The following PPFIA1 variants were observed in gnomAD, a reference collection of about 807,000 sequenced individuals.
The protein encoded by PPFIA1 is PPFI scaffold protein A1.
A neutral mutation model predicts 149.9 loss-of-function variants in PPFIA1; 25 were observed. The observed-to-expected ratio is 0.17, with a 90% CI of 0.12 to 0.23. The LOEUF (loss-of-function observed/expected upper bound fraction) is 0.23. PPFIA1 is among the 10% of genes least tolerant of loss of function. PPFIA1 has a pLI of 1.00. For synonymous variants in PPFIA1, 549 were observed against 552.8 expected, an observed-to-expected ratio of 0.99 and a Z score of 0.10; for missense variants, 1,362 against 1,506.5, an observed-to-expected ratio of 0.90 and a Z score of 1.59.
At position 70,325,590 on chromosome 11, in the gene PPFIA1, C is replaced by T. The variant is rs1204468840; in HGVS notation, c.606+16C>T. On this transcript the variant is annotated intron_variant, in intron 5 of 27. Transcript: ENST00000253925. ...ACACAAAGAGGTAAGCTTGAGACTT[C>T]ATCATGAGTTGAATTGGGGGGGGGT... 10 of 1,514,800 alleles carry T rather than the reference C, an allele frequency of 6.6e-6. No individual in the cohort carries two copies. The Admixed American group carries it at 1.5e-4, about 23-fold the overall frequency. 93.8% of individuals were successfully genotyped at this position (1,514,800 alleles called of 1,614,324 possible). A position where few individuals can be genotyped will look rare whatever the true frequency, so the allele number is the denominator to read the frequency against.
chr11:70,335,449 G>A, intron 10 of PPFIA1, 114 bp from the exon 11 acceptor site: 2 of 1,246,820 alleles, frequency 1.6e-6, no homozygotes, highest in Non-Finnish European at 2.2e-6. Context: ...AGTGTGGGGA[G>A]CAACTGGGGG....
rs1013173315 is a variant in PPFIA1, at chr11:70,348,362, C to T, written c.2105C>T (p.Pro702Leu). 2.5e-6 allele frequency: 4 copies of T among 1,614,010 alleles called. No homozygotes were observed. The highest frequency in any genetic ancestry group is 3.4e-6 in the Non-Finnish European group (4 of 1,179,986). Residue 702 changes from proline (P) to leucine (L), a missense_variant, in exon 16 of 28, where the codon CCA (proline) becomes CTA (leucine). By Grantham distance (98) the Pro-to-Leu change is moderately conservative (BLOSUM62 -3). This residue lies in a region of PPFIA1 where 733 missense variants were observed against 744.1 expected (regional missense o/e 0.99). Coordinates refer to ENST00000253925, the MANE Select transcript of PPFIA1 (RefSeq NM_003626.5). ...SSPPGSGRST[P>L]RRIPHSPARE... is the part of the protein sequence containing the mutation. ...CCTCCGGGCAGTGGGCGCTCCACCC[C>T]ACGAAGGATCCCTCACAGCCCAGCT...
At chr11:70,321,823 G>A (rs769664576) in intron 2 of PPFIA1, among the ~76,000 whole-genome samples, 2 of 152,212 alleles carry the variant, frequency 1.3e-5, no homozygotes, top group African/African-American at 2.4e-5. Context: ...GCCTGTAGCC[G>A]ACTCTGTACT....
At chr11:70,362,004 T>C in intron 19 of PPFIA1, 91 bp from the exon 20 acceptor site, 1 of 1,206,230 alleles carries the variant, frequency 8.3e-7, no homozygotes, top group Non-Finnish European at 1.2e-6. Flanking sequence ...CAAGTGGTCC[T>C]CCTGCCTTGG....
At chr11:70,297,319 G>A (rs1206008505) in intron 2 of PPFIA1, among the ~76,000 whole-genome samples, 1 of 152,054 alleles carries the variant, frequency 6.6e-6, no homozygotes, top group Non-Finnish European at 1.5e-5. Flanking sequence ...TGAGGCGAGC[G>A]GATCGCCTGA....
chr11:70,295,347 C>G (rs2051858484), intron 2 of PPFIA1, among the ~76,000 whole-genome samples: 1 of 141,862 alleles, frequency 7.0e-6, no homozygotes, highest in Non-Finnish European at 1.5e-5. Flanking sequence ...CCCCCCACCT[C>G]CCTCCCGGAT....
intron 21 of PPFIA1, chr11:70,365,921 T>C (rs2056906688): frequency 2.2e-6 from 1 of 456,648 alleles, no homozygotes; most frequent in Non-Finnish European, 4.4e-6. Context: ...TCTTTTGCAT[T>C]CCTAACCACG....
intron 2 of PPFIA1, among the ~76,000 whole-genome samples, chr11:70,319,690 A>G (rs1158907178): frequency 6.6e-6 from 1 of 152,156 alleles, no homozygotes; most frequent in Admixed American, 6.5e-5. Context: ...TGATTTCTAT[A>G]GCCTTCAACA....
chr11:70,379,747 T>G (rs2057635702), intron 26 of PPFIA1, among the ~76,000 whole-genome samples: 2 of 152,222 alleles, frequency 1.3e-5, no homozygotes, highest in African/African-American at 4.8e-5. Flanking sequence ...AAAAGTACAT[T>G]TAAATAAAAC....
At chr11:70,376,847 G>A (rs1030029606) in intron 25 of PPFIA1, among the ~76,000 whole-genome samples, 4 of 152,110 alleles carry the variant, frequency 2.6e-5, no homozygotes, top group African/African-American at 9.7e-5. Context: ...TGAGGCGGGC[G>A]GATCACCAGA....
intron 2 of PPFIA1, among the ~76,000 whole-genome samples, chr11:70,318,359 C>T (rs763335085): frequency 3.3e-5 from 5 of 152,168 alleles, no homozygotes; most frequent in Admixed American, 6.5e-5. Flanking sequence ...ATCTGCACCC[C>T]GCACCCCATG....
intron 2 of PPFIA1, among the ~76,000 whole-genome samples, chr11:70,301,763 A>C (rs1452778236): frequency 6.6e-6 from 1 of 152,128 alleles, no homozygotes; most frequent in Non-Finnish European, 1.5e-5. Context: ...TGTGTATCTG[A>C]ATCTTTGGCT....
At chr11:70,337,731 T>G (rs2055070818) in intron 12 of PPFIA1, among the ~76,000 whole-genome samples, 1 of 152,234 alleles carries the variant, frequency 6.6e-6, no homozygotes, top group Admixed American at 6.5e-5. Context: ...TATGTAATGT[T>G]TAATTTTCTA....
chr11:70,351,988 G>A (rs1376230614), intron 16 of PPFIA1, among the ~76,000 whole-genome samples: 1 of 152,184 alleles, frequency 6.6e-6, no homozygotes, highest in African/African-American at 2.4e-5. Context: ...TGTTCTTTAT[G>A]TTGACCCCAA....
intron 14 of PPFIA1, among the ~76,000 whole-genome samples, chr11:70,339,893 A>C (rs2055208514): frequency 6.6e-6 from 1 of 152,044 alleles, no homozygotes; most frequent in Non-Finnish European, 1.5e-5. Context: ...GCAGGTGCCT[A>C]TAATCCCAGC....
rs2057767058 is a variant in PPFIA1, at chr11:70,383,021, A to G, written c.*31A>G. The G allele has an allele frequency of 2.4e-6, 1 of 413,968 alleles. No homozygotes were observed. The highest frequency in any genetic ancestry group is 2.2e-5 in the African/African-American group (1 of 46,466). 25.6% of individuals were successfully genotyped at this position (413,968 alleles called of 1,614,324 possible). ...TTTCCAGTTTACCCACACTACTTCT[A>G]CAGATGATTATGCAGCATTTGAATC... On this transcript the variant is annotated 3_prime_UTR_variant, in exon 28 of 28. Transcript: ENST00000253925.
At chr11:70,381,823 A>T (rs1172586039) in intron 26 of PPFIA1, among the ~76,000 whole-genome samples, 1 of 152,178 alleles carries the variant, frequency 6.6e-6, no homozygotes. Context: ...TACATTTTGA[A>T]ATTGTTACTG....
intron 10 of PPFIA1, among the ~76,000 whole-genome samples, chr11:70,335,326 C>A (rs1433890327): frequency 6.6e-6 from 1 of 152,124 alleles, no homozygotes; most frequent in Non-Finnish European, 1.5e-5. Flanking sequence ...CTGAGGAGTC[C>A]TGTGGCAGGA....
chr11:70,295,897 C>T (rs1208602248), intron 2 of PPFIA1, among the ~76,000 whole-genome samples: 17 of 150,586 alleles, frequency 1.1e-4, no homozygotes, highest in South Asian at 2.1e-4. Context: ...GGGCGGCTGC[C>T]GGGCGGAGGG....
Sources: allele counts gnomAD v4.1 joint callset (sites outside exome capture counted in the v4.1 genomes callset), GRCh38; gene constraint gnomAD v4.1.1; regional missense constraint gnomAD v4.1.1; transcripts MANE v1.5; gene names NCBI Gene and HGNC (gene_info 2026-07-23, HGNC 2026-07-21).